The following CNTNAP3 variants were observed in gnomAD, a reference collection of about 807,000 sequenced individuals.
CNTNAP3 encodes contactin-associated protein-like 3.
Under a neutral mutation model 92.1 loss-of-function variants are expected in CNTNAP3, and 36 were observed. That is an observed-to-expected ratio of 0.39 (90% CI 0.30 to 0.52). The LOEUF (loss-of-function observed/expected upper bound fraction) is 0.52, where lower values mean the gene tolerates loss of function less well. Among genes scored for constraint, CNTNAP3 ranks in the 20% least tolerant of loss-of-function variants. The pLI is 0.76. For missense variants in CNTNAP3, 534 were observed against 1,069.6 expected (o/e 0.50, Z 6.98); for synonymous variants, 232 against 422.3 (o/e 0.55, Z 5.53).
intron 15 of CNTNAP3, among the ~76,000 whole-genome samples, chr9:39,107,693 C>T (rs1486293455): frequency 6.6e-6 from 1 of 151,976 alleles, no homozygotes; most frequent in Non-Finnish European, 1.5e-5. Flanking sequence ...ATATTGAATG[C>T]ATAGGAGAAG....
Position 39,084,743 on chromosome 9 carries a change from A to G in CNTNAP3, c.3442+993T>C, listed in dbSNP as rs186884846. On this transcript the variant is annotated intron_variant, in intron 21 of 23. Transcript: ENST00000297668. ...ATGATGTGAGAGTGGCAAAAAATGT[A>G]TAGCAGAACCAATCCTAAAATACAG... is the stretch of plus-strand genomic sequence containing the variant. 5.7e-3 allele frequency among the ~76,000 whole-genome samples: 875 copies of G among 152,274 alleles called. 14 individuals are homozygous for G. Among genetic ancestry groups the G allele is most frequent in the African/African-American group, 0.02 (832 of 41,564 alleles).
chr9:39,154,934 T>C, intron 9 of CNTNAP3: 2 of 185,698 alleles, frequency 1.1e-5, no homozygotes, highest in Non-Finnish European at 2.2e-5. Context: ...GAAAGATGCA[T>C]TGAAGGATCA....
intron 21 of CNTNAP3, among the ~76,000 whole-genome samples, chr9:39,083,163 T>C (rs1692995): frequency 1.3e-5 from 2 of 150,046 alleles, no homozygotes; most frequent in East Asian, 2.0e-4. Flanking sequence ...TTCTTACATA[T>C]CTAGAGCTCT....
intron 8 of CNTNAP3, among the ~76,000 whole-genome samples, chr9:39,170,477 A>G (rs1822237874): frequency 1.0e-5 from 1 of 99,894 alleles, no homozygotes; most frequent in Non-Finnish European, 1.8e-5. Flanking sequence ...GCACAATGTC[A>G]ATTTAGGACC....
At chr9:39,135,867 C>T (rs1333273934) in intron 12 of CNTNAP3, among the ~76,000 whole-genome samples, 2 of 151,976 alleles carry the variant, frequency 1.3e-5, no homozygotes, top group African/African-American at 2.4e-5. Flanking sequence ...TGGTGGCTCA[C>T]GCCTGTAATC....
chr9:39,097,276 G>A (rs1826348357), intron 18 of CNTNAP3, among the ~76,000 whole-genome samples: 1 of 151,952 alleles, frequency 6.6e-6, no homozygotes, highest in Admixed American at 6.6e-5. Flanking sequence ...ACTTGGGGAG[G>A]GCTACCAAGC....
intron 10 of CNTNAP3, among the ~76,000 whole-genome samples, chr9:39,147,191 C>CT (rs200461892): frequency 1.3e-5 from 2 of 151,992 alleles, no homozygotes; most frequent in African/African-American, 4.8e-5. Flanking sequence ...TCCATTAAGC[C>CT]TTTTTTCTTT....
chr9:39,088,865 T>G (rs991193441), intron 18 of CNTNAP3, among the ~76,000 whole-genome samples: 1 of 151,898 alleles, frequency 6.6e-6, no homozygotes, highest in Non-Finnish European at 1.5e-5. Flanking sequence ...TAACCCAAAA[T>G]TGACTAACAC....
intron 13 of CNTNAP3, among the ~76,000 whole-genome samples, chr9:39,118,980 G>T (rs908985218): frequency 1.1e-4 from 17 of 152,208 alleles, no homozygotes; most frequent in Non-Finnish European, 2.4e-4. Flanking sequence ...TAGGACAAGG[G>T]ATGCTGCCAG....
chr9:39,098,335 A>T (rs1235038530), intron 18 of CNTNAP3, among the ~76,000 whole-genome samples: 1 of 150,660 alleles, frequency 6.6e-6, no homozygotes, highest in Non-Finnish European at 1.5e-5. Context: ...AAATAAAAAG[A>T]CAATGTTGGG....
intron 9 of CNTNAP3, among the ~76,000 whole-genome samples, chr9:39,153,624 T>A (rs1047517308): frequency 2.6e-5 from 1 of 38,480 alleles, no homozygotes; most frequent in Non-Finnish European, 5.3e-5. Context: ...AGTGGCACCA[T>A]CTCGGTTCAC....
chr9:39,094,279 T>C (rs1826279285), intron 18 of CNTNAP3, among the ~76,000 whole-genome samples: 1 of 151,528 alleles, frequency 6.6e-6, no homozygotes, highest in Non-Finnish European at 1.5e-5. Context: ...AGATACATAA[T>C]TTGCAAATAT....
chr9:39,117,586 G>A (rs1265791521), intron 14 of CNTNAP3, among the ~76,000 whole-genome samples: 3 of 152,178 alleles, frequency 2.0e-5, no homozygotes, highest in Non-Finnish European at 4.4e-5. Context: ...GGTGCTTGAA[G>A]CTTTGCTATT....
intron 12 of CNTNAP3, 114 bp from the exon 13 acceptor site, chr9:39,133,249 G>C: frequency 1.5e-6 from 2 of 1,324,372 alleles, no homozygotes; most frequent in African/African-American, 1.5e-5. Context: ...TTACATTACT[G>C]CATGTTTGCC....
chr9:39,108,743 G>A (rs1441048428), intron 15 of CNTNAP3, among the ~76,000 whole-genome samples: 1 of 152,106 alleles, frequency 6.6e-6, no homozygotes, highest in Non-Finnish European at 1.5e-5. Flanking sequence ...CACATTCGGT[G>A]CCATGTAATG....
At position 39,078,750 on chromosome 9, in the gene CNTNAP3, C is replaced by T. The variant is rs200622851; in HGVS notation, c.3613G>A (p.Ala1205Thr). The T allele has an allele frequency of 6.7e-5, 99 of 1,487,544 alleles. No individual in the cohort carries two copies. Among genetic ancestry groups the T allele is most frequent in the Middle Eastern group, 2.4e-4 (1 of 4,126 alleles). The allele number at this position is 1,487,544 out of a possible 1,614,324, so 92.1% of individuals were successfully genotyped here. ...GCCGGGGAGCCGGACGCCGCCCCCG[C>T]TGCGCAGCGGGCCATAGGGGCCACG... ...GHVAPMARCA[A>T]GAASGSPARE... The change falls in exon 22 of 24, where the codon GCG becomes ACG. Residue 1205 changes from alanine to threonine, a missense_variant. Physicochemically the swap from Ala to Thr is moderately conservative, Grantham distance 58. Coordinates refer to ENST00000297668, the MANE Select transcript of CNTNAP3 (RefSeq NM_033655.5).
chr9:39,147,247 C>G (rs1821725213), intron 10 of CNTNAP3, among the ~76,000 whole-genome samples: 1 of 149,418 alleles, frequency 6.7e-6, no homozygotes, highest in Non-Finnish European at 1.5e-5. Context: ...AGCATGAGAA[C>G]AGACTAATAC....
At chr9:39,099,858 G>T in intron 18 of CNTNAP3, 53 bp downstream of exon 18, 1 of 1,586,278 alleles carries the variant, frequency 6.3e-7, no homozygotes, top group South Asian at 1.1e-5. Context: ...CATTCTTCAT[G>T]TTATTTAAGT....
At position 39,067,729 on chromosome 9, in the gene CNTNAP3, A is replaced by G. The variant is rs1343536303; in HGVS notation, c.*6161T>C. Among the ~76,000 whole-genome samples the G allele has an allele frequency of 6.6e-6, 1 of 152,308 alleles. No individual in the cohort carries two copies. Among genetic ancestry groups the G allele is most frequent in the Non-Finnish European group, 1.5e-5 (1 of 68,054 alleles). On this transcript the variant is annotated 3_prime_UTR_variant, in exon 24 of 24. Transcript: ENST00000297668. ...GATAGTTTTATGTTACTGGAAATACATGTGAACTTTGCTCAGAGATGCCAA... is the reference window on the plus strand; with the variant it reads ...GATAGTTTTATGTTACTGGAAATACGTGTGAACTTTGCTCAGAGATGCCAA...
Sources: allele counts gnomAD v4.1 joint callset (sites outside exome capture counted in the v4.1 genomes callset), GRCh38; gene constraint gnomAD v4.1.1; transcripts MANE v1.5; gene names NCBI Gene and HGNC (gene_info 2026-07-23, HGNC 2026-07-21).